NEK10: variants seen among roughly 807,000 people sequenced by gnomAD.
The protein encoded by NEK10 is serine/threonine-protein kinase Nek10.
In NEK10, 122 loss-of-function variants were observed where a neutral mutation model predicts 159.8. The ratio of observed to expected loss-of-function variants is 0.76; its 90% CI spans 0.66 to 0.89. The LOEUF (loss-of-function observed/expected upper bound fraction) is 0.89. Ranked by LOEUF, NEK10 falls within the 40% of genes least tolerant of loss-of-function variation. The pLI, the probability that NEK10 is intolerant of heterozygous loss-of-function variation, is 0.00. For missense variants in NEK10, 1,342 were observed against 1,323.1 expected, an observed-to-expected ratio of 1.01 and a Z score of -0.22; for synonymous variants, 466 against 457.1, an observed-to-expected ratio of 1.02 and a Z score of -0.25.
intron 6 of NEK10, among the ~76,000 whole-genome samples, chr3:27,318,999 A>G (rs191614628): frequency 4.7e-4 from 72 of 152,302 alleles, no homozygotes; most frequent in African/African-American, 1.7e-3. Context: ...AAAAATGCTG[A>G]ATAAATGCTA....
At chr3:27,331,237 C>CAAAAAAAAAAAACAAAAAAAAAAAAAAAA (rs397972389) in intron 5 of NEK10, among the ~76,000 whole-genome samples, 1 of 29,586 alleles carries the variant, frequency 3.4e-5, no homozygotes. Context: ...GACTCTGTCT[C>CAAAAAAAAAAAACAAAAAAAAAAAAAAAA]AAAAAAAAAA....
chr3:27,223,469 G>A (rs1394780450), intron 23 of NEK10, among the ~76,000 whole-genome samples: 1 of 152,122 alleles, frequency 6.6e-6, no homozygotes. Context: ...CCTTTACATG[G>A]ACGCATATGA....
At chr3:27,250,803 G>A (rs2034191) in intron 23 of NEK10, among the ~76,000 whole-genome samples, 6,360 of 152,046 alleles carry the variant, frequency 0.042, 196 homozygotes, top group African/African-American at 0.075. Context: ...GAGGTCCATT[G>A]CATGTTATTT....
chr3:27,112,751 T>A (rs1407641505), intron 35 of NEK10, among the ~76,000 whole-genome samples: 1 of 152,230 alleles, frequency 6.6e-6, no homozygotes, highest in Non-Finnish European at 1.5e-5. Context: ...CCCAAATATA[T>A]GTGGCCATGA....
chr3:27,153,306 C>T (rs185666397), intron 30 of NEK10, among the ~76,000 whole-genome samples: 81 of 141,814 alleles, frequency 5.7e-4, no homozygotes, highest in African/African-American at 2.0e-3. Flanking sequence ...GGCGACAGAG[C>T]GAGACTCCAT....
chr3:27,352,933 C>A lies in NEK10; in HGVS notation c.-37-14G>T. The A allele has an allele frequency of 7.1e-7, 1 of 1,399,148 alleles. No homozygotes were observed. Among genetic ancestry groups the A allele is most frequent in the Non-Finnish European group, 1.0e-6 (1 of 993,606 alleles). The allele number at this position is 1,399,148 out of a possible 1,614,324, so 86.7% of individuals were successfully genotyped here. On this transcript the variant is annotated splice_polypyrimidine_tract_variant and intron_variant, in intron 1 of 35. Transcript: ENST00000691995. ...AACATCGCATTCCTTTAAAATTAAACCAGAGGGAAAATTTTAGTTGGGTTG... is the reference window on the plus strand; with the variant it reads ...AACATCGCATTCCTTTAAAATTAAAACAGAGGGAAAATTTTAGTTGGGTTG...
chr3:27,321,285 A>C (rs927769747), intron 6 of NEK10, among the ~76,000 whole-genome samples: 2 of 152,244 alleles, frequency 1.3e-5, no homozygotes, highest in African/African-American at 4.8e-5. Flanking sequence ...GAAACTTGTT[A>C]GAAATGAAGA....
chr3:27,219,825 T>C (rs2149144678), intron 23 of NEK10, among the ~76,000 whole-genome samples: 1 of 152,192 alleles, frequency 6.6e-6, no homozygotes, highest in East Asian at 1.9e-4. Context: ...GTGTAGAAAA[T>C]TGCAAGAAAT....
intron 3 of NEK10, among the ~76,000 whole-genome samples, chr3:27,346,496 G>A (rs34066402): frequency 0.16 from 23,706 of 152,116 alleles, 2,014 homozygotes; most frequent in Non-Finnish European, 0.2. Context: ...ACAATGTCAC[G>A]TCAACACAAG....
At chr3:27,154,132 A>C (rs182687917) in intron 30 of NEK10, among the ~76,000 whole-genome samples, 1 of 152,312 alleles carries the variant, frequency 6.6e-6, no homozygotes, top group African/African-American at 2.4e-5. Context: ...TACAACTGAC[A>C]CTATGGAAAT....
intron 1 of NEK10, among the ~76,000 whole-genome samples, chr3:27,356,458 CCTCA>C (rs1443379231): frequency 6.6e-6 from 1 of 152,072 alleles, no homozygotes; most frequent in African/African-American, 2.4e-5. Context: ...TGCAGTGAGC[CCTCA>C]TGGTGTTACT....
rs112716564 is a variant in NEK10 at position 27,129,273 on chromosome 3, G to A, written c.3081+2607C>T. Among the ~76,000 whole-genome samples, 1,004 of 152,240 alleles carry A rather than the reference G, an allele frequency of 6.6e-3. 13 individuals carry two copies. Among genetic ancestry groups the A allele is most frequent in the African/African-American group, 0.023 (953 of 41,552 alleles). ...TATCCTTCTGGGTCTTAGGCTATTA[G>A]TAAGTAGGCACAGTCATCCCATAAT... is the stretch of plus-strand genomic sequence containing the variant. On this transcript the variant is annotated intron_variant, in intron 32 of 35. Transcript: ENST00000691995.
intron 29 of NEK10, among the ~76,000 whole-genome samples, chr3:27,168,470 G>A (rs1219441243): frequency 1.3e-5 from 2 of 152,180 alleles, no homozygotes; most frequent in South Asian, 2.1e-4. Flanking sequence ...TCTATTTAAC[G>A]TTCTTTAAAG....
intron 32 of NEK10, among the ~76,000 whole-genome samples, chr3:27,123,929 T>C (rs897153154): frequency 1.7e-4 from 25 of 151,064 alleles, no homozygotes; most frequent in African/African-American, 5.1e-4. Context: ...GGGGCAAGAG[T>C]GATACAAGAT....
At chr3:27,197,401 C>G (rs900173031) in intron 25 of NEK10, among the ~76,000 whole-genome samples, 5 of 152,094 alleles carry the variant, frequency 3.3e-5, no homozygotes, top group Admixed American at 2.0e-4. Context: ...GTCTCAAACA[C>G]CTGACCTCAG....
chr3:27,306,250 C>A (rs9838231), intron 11 of NEK10, among the ~76,000 whole-genome samples: 1,952 of 152,210 alleles, frequency 0.013, 29 homozygotes, highest in East Asian at 0.063. Flanking sequence ...AGCTAGGTAA[C>A]CCCACTGCTC....
intron 30 of NEK10, among the ~76,000 whole-genome samples, chr3:27,144,399 C>A (rs1944095109): frequency 6.6e-6 from 1 of 152,174 alleles, no homozygotes; most frequent in African/African-American, 2.4e-5. Flanking sequence ...CGGCATGCCT[C>A]ATTGTGCGTA....
chr3:27,300,561 T>C (rs1469234049), intron 13 of NEK10, among the ~76,000 whole-genome samples: 1 of 152,246 alleles, frequency 6.6e-6, no homozygotes, highest in Non-Finnish European at 1.5e-5. Flanking sequence ...TACATATCTA[T>C]GTGCCCTGTA....
chr3:27,147,218 C>A (rs536706600), intron 30 of NEK10, among the ~76,000 whole-genome samples: 26 of 152,282 alleles, frequency 1.7e-4, no homozygotes, highest in Non-Finnish European at 3.2e-4. Flanking sequence ...TGCACTGTAG[C>A]TGTTTCCACA....
Sources: gnomAD v4.1 joint callset for allele counts (sites outside exome capture counted in the v4.1 genomes callset) on GRCh38, gnomAD v4.1.1 for gene constraint, MANE v1.5 for transcripts, NCBI Gene and HGNC (gene_info 2026-07-23, HGNC 2026-07-21) for gene names.